Variants in NCOA1 observed in about 807,000 individuals in gnomAD.
NCOA1 encodes nuclear receptor coactivator 1.
NCOA1 carries 35 observed loss-of-function variants against 150.9 expected under a neutral mutation model. The observed-to-expected ratio is 0.23, with a 90% CI of 0.18 to 0.31. NCOA1 has a LOEUF of 0.31. Ranked by LOEUF, NCOA1 falls within the 10% of genes least tolerant of loss-of-function variation. The pLI is 1.00. For synonymous variants in NCOA1, 590 were observed against 630.0 expected, an observed-to-expected ratio of 0.94 and a Z score of 0.95; for missense variants, 1,491 against 1,749.3, an observed-to-expected ratio of 0.85 and a Z score of 2.63.
chr2:24,521,240 A>C (rs1664405377), intron 1 of NCOA1, among the ~76,000 whole-genome samples: 1 of 152,140 alleles, frequency 6.6e-6, no homozygotes, highest in Non-Finnish European at 1.5e-5. Flanking sequence ...CGGTCACCTC[A>C]CATATGTTTT....
At chr2:24,503,033 G>A (rs1663530612) in intron 1 of NCOA1, among the ~76,000 whole-genome samples, 1 of 152,158 alleles carries the variant, frequency 6.6e-6, no homozygotes, top group South Asian at 2.1e-4. Flanking sequence ...CCTCTGCAGT[G>A]TCTTACACAC....
chr2:24,540,679 G>T lies in NCOA1; in HGVS notation c.-395-23616G>T, dbSNP rs186215758. Among the ~76,000 whole-genome samples the T allele has an allele frequency of 5.1e-3, 771 of 151,958 alleles. 4 individuals carry two copies. Among genetic ancestry groups the T allele is most frequent in the African/African-American group, 0.018 (740 of 41,450 alleles). On this transcript the variant is annotated intron_variant, in intron 1 of 22. Coordinates refer to ENST00000348332, the MANE Select transcript of NCOA1 (RefSeq NM_003743.5). Reference sequence around the variant, plus strand: ...TCACCATGTTGGCCAGGCTGGTCTCGAACTCCTGACCTCAAGTGATCCGCC... The same window carrying T: ...TCACCATGTTGGCCAGGCTGGTCTCTAACTCCTGACCTCAAGTGATCCGCC...
chr2:24,661,666 T>C (rs1304262280), intron 5 of NCOA1, among the ~76,000 whole-genome samples: 1 of 152,220 alleles, frequency 6.6e-6, no homozygotes, highest in African/African-American at 2.4e-5. Flanking sequence ...ATTGTATTTA[T>C]TGTTTTTCCC....
At chr2:24,523,605 CAAAAAAAAAAAA>C (rs979559677) in intron 1 of NCOA1, among the ~76,000 whole-genome samples, 2 of 17,704 alleles carry the variant, frequency 1.1e-4, no homozygotes, top group Admixed American at 6.1e-4. Flanking sequence ...GACTCCGTCT[CAAAAAAAAAAAA>C]AAAAAAAAAA....
chr2:24,752,228 G>A (rs1395157592), intron 20 of NCOA1, 72 bp downstream of exon 20: 1 of 1,512,974 alleles, frequency 6.6e-7, no homozygotes, highest in Non-Finnish European at 9.0e-7. Flanking sequence ...AAATGCTACA[G>A]TGGTTGAACC....
rs1274846669 is a variant in NCOA1 at position 24,769,035 on chromosome 2, C to T, written c.*644C>T. 2 of 213,474 alleles carry T rather than the reference C, an allele frequency of 9.4e-6. No individual in the cohort carries two copies. Among genetic ancestry groups the T allele is most frequent in the African/African-American group, 4.5e-5 (2 of 44,132 alleles). The allele number at this position is 213,474 out of a possible 1,614,324, so 13.2% of individuals were successfully genotyped here. A position where few individuals can be genotyped will look rare whatever the true frequency, so the allele number is the denominator to read the frequency against. ...AAAGAGGACGAAATGAGTATATTCA[C>T]AGAGGAATCCAAAAAATACAGTTTG... On this transcript the variant is annotated 3_prime_UTR_variant, in exon 23 of 23. Coordinates refer to ENST00000348332, the MANE Select transcript of NCOA1 (RefSeq NM_003743.5).
At chr2:24,760,131 CT>C (rs1170585579) in intron 21 of NCOA1, among the ~76,000 whole-genome samples, 61 of 142,774 alleles carry the variant, frequency 4.3e-4, no homozygotes, top group Middle Eastern at 7.2e-3. Flanking sequence ...CTTGCTTTAA[CT>C]TTTTTTTTTT....
intron 5 of NCOA1, among the ~76,000 whole-genome samples, chr2:24,664,738 T>C (rs947858480): frequency 2.0e-5 from 3 of 151,878 alleles, no homozygotes; most frequent in African/African-American, 4.8e-5. Context: ...GAAAAGTAAA[T>C]GGTATCTTAA....
rs1664275705 is a variant in NCOA1 at position 24,752,055 on chromosome 2, C to T, written c.3780C>T (p.Ile1260=). Reference sequence around the variant, plus strand: ...GGAGCTCCATGGTGCCGATGCCAATCCCTCCTCCTCAGAGTTCTCTTCTCC... The same window carrying T: ...GGAGCTCCATGGTGCCGATGCCAATTCCTCCTCCTCAGAGTTCTCTTCTCC... ...SPGSSMVPMP[I]PPPQSSLLQQ... The change falls in exon 20 of 23, where the codon ATC becomes ATT. Residue 1260 remains isoleucine (I), a synonymous_variant. Transcript: ENST00000348332. 7 of 1,614,168 alleles carry T rather than the reference C, an allele frequency of 4.3e-6. No homozygotes were observed. The highest frequency in any genetic ancestry group is 5.9e-6 in the Non-Finnish European group (7 of 1,180,026).
intron 8 of NCOA1, among the ~76,000 whole-genome samples, chr2:24,690,004 T>C (rs1395816487): frequency 6.6e-6 from 1 of 152,238 alleles, no homozygotes; most frequent in Non-Finnish European, 1.5e-5. Flanking sequence ...TTCATTTCCT[T>C]TTGAAAATAG....
chr2:24,708,733 A>G (rs1264056335), intron 13 of NCOA1, among the ~76,000 whole-genome samples: 2 of 152,220 alleles, frequency 1.3e-5, no homozygotes, highest in Admixed American at 6.5e-5. Context: ...CACACTTAGT[A>G]TGCATAGGTC....
At chr2:24,550,226 T>C (rs1044869947) in intron 1 of NCOA1, among the ~76,000 whole-genome samples, 1 of 152,216 alleles carries the variant, frequency 6.6e-6, no homozygotes, top group African/African-American at 2.4e-5. Flanking sequence ...TGTTACCCAG[T>C]TCCAAAGCTG....
chr2:24,688,474 G>T (rs1482399665), intron 8 of NCOA1, among the ~76,000 whole-genome samples: 2 of 152,082 alleles, frequency 1.3e-5, no homozygotes, highest in African/African-American at 4.8e-5. Flanking sequence ...ATCTCATTGT[G>T]GTTTTGATGT....
intron 14 of NCOA1, among the ~76,000 whole-genome samples, chr2:24,713,370 T>C (rs1673856790): frequency 6.6e-6 from 1 of 151,878 alleles, no homozygotes; most frequent in African/African-American, 2.4e-5. Flanking sequence ...TTTCAACAAG[T>C]ACCCAACACA....
intron 14 of NCOA1, among the ~76,000 whole-genome samples, chr2:24,714,307 C>T (rs1336268143): frequency 6.6e-6 from 1 of 152,076 alleles, no homozygotes; most frequent in Non-Finnish European, 1.5e-5. Flanking sequence ...TAATTTCCAA[C>T]ATATAATAAA....
chr2:24,664,529 T>C (rs1314835146), intron 5 of NCOA1, among the ~76,000 whole-genome samples: 1 of 152,006 alleles, frequency 6.6e-6, no homozygotes, highest in Non-Finnish European at 1.5e-5. Flanking sequence ...GCCAACATGG[T>C]GAAACCCCGT....
intron 3 of NCOA1, among the ~76,000 whole-genome samples, chr2:24,628,777 AG>A (rs1669544963): frequency 6.6e-6 from 1 of 152,180 alleles, no homozygotes. Context: ...AACATATTGT[AG>A]GGAAGGCCTT....
intron 15 of NCOA1, 124 bp from the exon 16 acceptor site, chr2:24,728,184 A>C: frequency 6.0e-6 from 4 of 667,194 alleles, no homozygotes; most frequent in Non-Finnish European, 7.2e-6. Flanking sequence ...CCATGGCATT[A>C]GAATTGCCAA....
chr2:24,705,000 G>T (rs1161059258), intron 11 of NCOA1, 86 bp from the exon 12 acceptor site: 1 of 1,432,392 alleles, frequency 7.0e-7, no homozygotes, highest in East Asian at 2.3e-5. Flanking sequence ...TTAAAATGAG[G>T]TTCTAAGTAG....
Sources: gnomAD v4.1 joint callset for allele counts (sites outside exome capture counted in the v4.1 genomes callset) on GRCh38, gnomAD v4.1.1 for gene constraint, MANE v1.5 for transcripts, NCBI Gene and HGNC (gene_info 2026-07-23, HGNC 2026-07-21) for gene names.